PDSS2: variants seen among roughly 807,000 people sequenced by gnomAD.
PDSS2 encodes the protein all trans-polyprenyl-diphosphate synthase PDSS2.
A neutral mutation model predicts 44.5 loss-of-function variants in PDSS2; 31 were observed. That is an observed-to-expected ratio of 0.70 (90% confidence interval 0.52 to 0.94). The LOEUF is 0.94. Ranked by LOEUF, PDSS2 falls within the 40% of genes least tolerant of loss-of-function variation. The pLI is 0.00. For missense variants in PDSS2, 452 were observed against 482.2 expected (o/e 0.94, Z 0.59); for synonymous variants, 157 against 180.3 (o/e 0.87, Z 1.03).
intron 1 of PDSS2, among the ~76,000 whole-genome samples, chr6:107,343,169 G>A (rs1008455993): frequency 4.6e-5 from 7 of 152,098 alleles, no homozygotes; most frequent in Admixed American, 1.3e-4. Context: ...TCCAAAAAAT[G>A]TAAGCACAAA....
chr6:107,420,897 A>T (rs1485829385), intron 1 of PDSS2, among the ~76,000 whole-genome samples: 1 of 152,152 alleles, frequency 6.6e-6, no homozygotes, highest in Non-Finnish European at 1.5e-5. Context: ...TCCATTAACA[A>T]GATAAAAAGA....
chr6:107,275,168 A>T (rs1034105444), intron 2 of PDSS2, among the ~76,000 whole-genome samples: 2 of 152,140 alleles, frequency 1.3e-5, no homozygotes, highest in African/African-American at 4.8e-5. Context: ...ATTTCAGCAG[A>T]TGTTTGTTCC....
At chr6:107,407,776 T>C (rs1583046998) in intron 1 of PDSS2, among the ~76,000 whole-genome samples, 2 of 152,180 alleles carry the variant, frequency 1.3e-5, no homozygotes, top group South Asian at 4.1e-4. Context: ...CTTGGCTCAC[T>C]GCAATCTCTG....
At chr6:107,443,744 C>T (rs1387512085) in intron 1 of PDSS2, among the ~76,000 whole-genome samples, 2 of 152,174 alleles carry the variant, frequency 1.3e-5, no homozygotes, top group South Asian at 2.1e-4. Flanking sequence ...CTGCCTCAGT[C>T]ATCTCTTTTT....
intron 1 of PDSS2, among the ~76,000 whole-genome samples, chr6:107,454,277 A>G (rs1178714426): frequency 6.6e-6 from 1 of 152,046 alleles, no homozygotes; most frequent in Non-Finnish European, 1.5e-5. Context: ...CAAACTCCTG[A>G]GCTCAAGCAA....
At chr6:107,425,553 T>C (rs542567712) in intron 1 of PDSS2, among the ~76,000 whole-genome samples, 22 of 152,310 alleles carry the variant, frequency 1.4e-4, no homozygotes, top group African/African-American at 3.4e-4. Context: ...GGGTATCTTG[T>C]AGAAGAAATT....
intron 1 of PDSS2, among the ~76,000 whole-genome samples, chr6:107,410,391 C>G (rs555482781): frequency 6.6e-6 from 1 of 152,164 alleles, no homozygotes; most frequent in Non-Finnish European, 1.5e-5. Context: ...TGCATGTGCG[C>G]GCAGACACAC....
At chr6:107,380,627 A>G (rs775315653) in intron 1 of PDSS2, among the ~76,000 whole-genome samples, 1 of 152,176 alleles carries the variant, frequency 6.6e-6, no homozygotes, top group Admixed American at 6.5e-5. Context: ...CAAGTTATCC[A>G]GATTCAGTCT....
At position 107,288,753 on chromosome 6, in the gene PDSS2, GTT is replaced by G. The variant is rs35762837; in HGVS notation, c.432-14528_432-14527del. On this transcript the variant is annotated intron_variant, in intron 2 of 7. Transcript: ENST00000369037. ...AATATGAAGATGCCGGGACGAAATTGTTTTTTTTTTTTTTTTTTTTTTTTGAG... is the reference window on the plus strand; with the variant it reads ...AATATGAAGATGCCGGGACGAAATTGTTTTTTTTTTTTTTTTTTTTTTGAG... Among the ~76,000 whole-genome samples the G allele has an allele frequency of 6.9e-3, 498 of 72,700 alleles. 2 individuals are homozygous for G. The East Asian group carries it at 0.12, about 17-fold the overall frequency. The allele number at this position is 72,700 out of a possible 152,430, so 47.7% of individuals were successfully genotyped here.
intron 4 of PDSS2, among the ~76,000 whole-genome samples, chr6:107,233,597 A>G (rs1774125340): frequency 6.6e-6 from 1 of 152,098 alleles, no homozygotes; most frequent in Admixed American, 6.6e-5. Flanking sequence ...GGATCACCTG[A>G]GGCCAGGAGT....
chr6:107,294,244 A>G (rs1420571190), intron 2 of PDSS2, among the ~76,000 whole-genome samples: 1 of 152,146 alleles, frequency 6.6e-6, no homozygotes, highest in Non-Finnish European at 1.5e-5. Flanking sequence ...AAAGAGTGTC[A>G]GGGCATAGTC....
chr6:107,402,491 T>C (rs1780160909), intron 1 of PDSS2, among the ~76,000 whole-genome samples: 1 of 134,644 alleles, frequency 7.4e-6, no homozygotes, highest in Non-Finnish European at 1.6e-5. Context: ...TATATACGTA[T>C]ATATGTATAC....
At chr6:107,338,575 T>C (rs866416272) in intron 1 of PDSS2, among the ~76,000 whole-genome samples, 11 of 152,078 alleles carry the variant, frequency 7.2e-5, no homozygotes, top group African/African-American at 2.7e-4. Context: ...TGAATAAGGG[T>C]TGTGGCAGCA....
intron 7 of PDSS2, among the ~76,000 whole-genome samples, chr6:107,171,130 C>T (rs552136684): frequency 1.3e-5 from 2 of 152,096 alleles, no homozygotes; most frequent in Non-Finnish European, 2.9e-5. Context: ...AAGGAATGGA[C>T]CCATGACCTT....
At chr6:107,212,017 A>ATT (rs1190552653) in intron 5 of PDSS2, 92 bp downstream of exon 5, 1 of 1,064,268 alleles carries the variant, frequency 9.4e-7, no homozygotes, top group African/African-American at 1.6e-5. Flanking sequence ...CATTTTTGAA[A>ATT]TATAAAAGAA....
At chr6:107,378,934 A>G (rs1022881132) in intron 1 of PDSS2, among the ~76,000 whole-genome samples, 27 of 152,202 alleles carry the variant, frequency 1.8e-4, no homozygotes, top group Admixed American at 5.9e-4. Flanking sequence ...TAAAATCGCC[A>G]TGATTTAGCT....
At chr6:107,172,657 AG>A (rs879953973) in intron 7 of PDSS2, among the ~76,000 whole-genome samples, 24 of 152,190 alleles carry the variant, frequency 1.6e-4, no homozygotes, top group African/African-American at 3.4e-4. Context: ...AACTTCAAAA[AG>A]GGTTGTTAAA....
At chr6:107,195,202 T>C (rs1434129582) in intron 6 of PDSS2, among the ~76,000 whole-genome samples, 1 of 151,920 alleles carries the variant, frequency 6.6e-6, no homozygotes, top group Non-Finnish European at 1.5e-5. Flanking sequence ...GTCCTAAAGC[T>C]GGGCACAGTG....
intron 2 of PDSS2, among the ~76,000 whole-genome samples, chr6:107,278,150 T>G (rs1297278244): frequency 6.6e-6 from 1 of 152,032 alleles, no homozygotes; most frequent in East Asian, 1.9e-4. Context: ...ATTTCCTTTG[T>G]TAAAAAAATT....
Sources: allele counts gnomAD v4.1 joint callset (sites outside exome capture counted in the v4.1 genomes callset), GRCh38; gene constraint gnomAD v4.1.1; transcripts MANE v1.5; gene names NCBI Gene and HGNC (gene_info 2026-07-23, HGNC 2026-07-21).